The following SNTB2 variants were observed in gnomAD, a reference collection of about 807,000 sequenced individuals.
SNTB2 encodes syntrophin beta 2, also known as beta-2-syntrophin.
SNTB2 carries 34 observed loss-of-function variants against 46.2 expected under a neutral mutation model. That is an observed-to-expected ratio of 0.74 (90% CI 0.56 to 0.98). The LOEUF (loss-of-function observed/expected upper bound fraction) is 0.98. Among genes scored for constraint, SNTB2 ranks in the 50% least tolerant of loss-of-function variants. The probability of loss-of-function intolerance (pLI) is 0.00; values close to 1 mark genes in which losing one functional copy is unlikely to be tolerated. For synonymous variants in SNTB2, 290 were observed against 312.6 expected (o/e 0.93, Z 0.76); for missense variants, 603 against 731.4 (o/e 0.82, Z 2.02).
intron 1 of SNTB2, among the ~76,000 whole-genome samples, chr16:69,241,067 C>T (rs1964608674): frequency 6.6e-6 from 1 of 150,582 alleles, no homozygotes; most frequent in African/African-American, 2.4e-5. Flanking sequence ...GCCATGTTGG[C>T]CAGGCTGGTC....
rs1377436818 is a variant in SNTB2 at position 69,284,183 on chromosome 16, G to C, written c.1284G>C (p.Trp428Cys). ...RVETHRDLSS[W>C]TRILVQGCHA... ...AGACACATCGGGATCTGTCATCCTG[G>C]ACCAGGATACTTGTTCAGGGTTGCC... The change falls in exon 5 of 7, where the codon TGG (tryptophan) becomes TGC (cysteine). Residue 428 changes from tryptophan to cysteine, a missense_variant. Trp to Cys is a radical substitution (Grantham distance 215). Coordinates refer to ENST00000336278, the MANE Select transcript of SNTB2 (RefSeq NM_006750.4). The C allele has an allele frequency of 6.2e-7, 1 of 1,613,892 alleles. No homozygotes were observed. The highest frequency in any genetic ancestry group is 8.5e-7 in the Non-Finnish European group (1 of 1,180,006).
chr16:69,272,889 CAA>C (rs34011617), intron 4 of SNTB2, among the ~76,000 whole-genome samples: 5 of 80,726 alleles, frequency 6.2e-5, no homozygotes, highest in Admixed American at 1.4e-4. Flanking sequence ...GACTCTGTCT[CAA>C]AAAAAAAAAA....
chr16:69,300,310 G>C (rs1026022468), intron 6 of SNTB2, among the ~76,000 whole-genome samples: 4 of 151,960 alleles, frequency 2.6e-5, no homozygotes, highest in African/African-American at 9.7e-5. Context: ...GAGTGCAGTG[G>C]CACCATCTCA....
chr16:69,278,457 G>GT (rs34221812), intron 4 of SNTB2, among the ~76,000 whole-genome samples: 3,266 of 140,240 alleles, frequency 0.023, 114 homozygotes, highest in African/African-American at 0.07. Context: ...TTTTTGTAGG[G>GT]TTTTTTTTTT....
chr16:69,205,684 T>A (rs1452779192), intron 1 of SNTB2, among the ~76,000 whole-genome samples: 2 of 152,148 alleles, frequency 1.3e-5, no homozygotes, highest in Admixed American at 1.3e-4. Flanking sequence ...TTCTCTTTCC[T>A]TCATTAGGCA....
chr16:69,282,088 A>G (rs1337731750), intron 4 of SNTB2, among the ~76,000 whole-genome samples: 3 of 149,694 alleles, frequency 2.0e-5, no homozygotes, highest in Non-Finnish European at 4.5e-5. Context: ...GTATTTTAGT[A>G]GAGACGGGGT....
chr16:69,200,426 G>C (rs1271897377), intron 1 of SNTB2, among the ~76,000 whole-genome samples: 1 of 152,182 alleles, frequency 6.6e-6, no homozygotes, highest in African/African-American at 2.4e-5. Flanking sequence ...ATACACATCA[G>C]ATTACAGGTA....
At chr16:69,285,356 C>CT (rs199516210) in intron 5 of SNTB2, among the ~76,000 whole-genome samples, 1,749 of 131,814 alleles carry the variant, frequency 0.013, 47 homozygotes, top group South Asian at 0.088. Flanking sequence ...GTTCATCTCT[C>CT]TTTTTTTTTT....
intron 1 of SNTB2, among the ~76,000 whole-genome samples, chr16:69,215,931 T>C (rs1253843802): frequency 1.3e-5 from 2 of 151,970 alleles, no homozygotes; most frequent in African/African-American, 2.4e-5. Flanking sequence ...GCCTCCTGAG[T>C]AGCTAGGACC....
intron 4 of SNTB2, among the ~76,000 whole-genome samples, chr16:69,274,973 T>G: frequency 6.6e-6 from 1 of 152,044 alleles, no homozygotes; most frequent in East Asian, 1.9e-4. Context: ...TCTGCCTTCC[T>G]TCCTCCTTCC....
chr16:69,201,502 A>G (rs529438856), intron 1 of SNTB2, among the ~76,000 whole-genome samples: 18 of 152,330 alleles, frequency 1.2e-4, no homozygotes, highest in African/African-American at 4.1e-4. Flanking sequence ...AAGGTATTTT[A>G]TCCATTTGAA....
At chr16:69,246,336 T>C (rs1964669950) in intron 2 of SNTB2, among the ~76,000 whole-genome samples, 1 of 152,120 alleles carries the variant, frequency 6.6e-6, no homozygotes, top group Non-Finnish European at 1.5e-5. Flanking sequence ...TTTTTGTCTT[T>C]GGCTCTGTTT....
rs762202833 is a variant in SNTB2 at position 69,300,896 on chromosome 16, A to T, written c.1595A>T (p.Lys532Ile). The T allele has an allele frequency of 1.9e-6, 3 of 1,613,588 alleles. No homozygotes were observed. The highest frequency in any genetic ancestry group is 1.3e-5 in the African/African-American group (1 of 74,906). The change falls in exon 7 of 7, where the codon AAA becomes ATA. Residue 532 changes from lysine (K) to isoleucine (I), a missense_variant. By Grantham distance (102) the Lys-to-Ile change is moderately radical. Transcript: ENST00000336278. ...GTGTTGCACACGTTTTTATCGGCCA[A>T]AGTCACTCGTATGGGACTGCTTGTA... ...VFVLHTFLSA[K>I]VTRMGLLV
intron 1 of SNTB2, among the ~76,000 whole-genome samples, chr16:69,202,006 A>G (rs1964166865): frequency 6.6e-6 from 1 of 152,128 alleles, no homozygotes; most frequent in African/African-American, 2.4e-5. Context: ...CTCCTTGTTT[A>G]CACCTGATGT....
chr16:69,299,503 T>C (rs1965259414), intron 5 of SNTB2, 87 bp from the exon 6 acceptor site: 2 of 1,273,004 alleles, frequency 1.6e-6, no homozygotes. Flanking sequence ...AAAATATTTT[T>C]CCTATTTTGA....
intron 1 of SNTB2, among the ~76,000 whole-genome samples, chr16:69,195,549 G>T (rs753185900): frequency 6.6e-6 from 1 of 152,010 alleles, no homozygotes; most frequent in African/African-American, 2.4e-5. Context: ...GAGACCGGGG[G>T]TGGATCTAGG....
intron 2 of SNTB2, among the ~76,000 whole-genome samples, chr16:69,258,746 G>A (rs9929484): frequency 0.11 from 16,901 of 151,348 alleles, 1,178 homozygotes; most frequent in Middle Eastern, 0.22. Flanking sequence ...TCAGTAGCTG[G>A]GATTACAGGC....
intron 5 of SNTB2, among the ~76,000 whole-genome samples, chr16:69,284,459 T>TGAAAAAAAAA: frequency 2.2e-5 from 1 of 45,908 alleles, no homozygotes; most frequent in African/African-American, 8.5e-5. Context: ...CCGTCTTTAC[T>TGAAAAAAAAA]AAAAAAAAAA....
chr16:69,217,870 C>T (rs1224691421), intron 1 of SNTB2, among the ~76,000 whole-genome samples: 1 of 151,968 alleles, frequency 6.6e-6, no homozygotes, highest in Non-Finnish European at 1.5e-5. Context: ...GAGAGAGCTG[C>T]CTGAAAAAAA....
Sources: gnomAD v4.1 joint callset for allele counts (sites outside exome capture counted in the v4.1 genomes callset) on GRCh38, gnomAD v4.1.1 for gene constraint, MANE v1.5 for transcripts, NCBI Gene and HGNC (gene_info 2026-07-23, HGNC 2026-07-21) for gene names.